MGAT4C: variants seen among roughly 807,000 people sequenced by gnomAD.
MGAT4C encodes the protein MGAT4 family member C, also known as alpha-1,3-mannosyl-glycoprotein 4-beta-N-acetylglucosaminyltransferase C.
A neutral mutation model predicts 40.1 loss-of-function variants in MGAT4C; 19 were observed. The observed-to-expected ratio is 0.47, with a 90% CI of 0.33 to 0.70. The LOEUF (loss-of-function observed/expected upper bound fraction) is 0.70, where lower values mean the gene tolerates loss of function less well. Among genes scored for constraint, MGAT4C ranks in the 30% least tolerant of loss-of-function variants. The probability of loss-of-function intolerance (pLI) is 0.02; values close to 1 mark genes in which losing one functional copy is unlikely to be tolerated. For missense variants in MGAT4C, 491 were observed against 563.2 expected (o/e 0.87, Z 1.30); for synonymous variants, 181 against 187.1 (o/e 0.97, Z 0.27).
chr12:86,121,947 A>T (rs1879445472), intron 1 of MGAT4C, among the ~76,000 whole-genome samples: 1 of 152,228 alleles, frequency 6.6e-6, no homozygotes, highest in Non-Finnish European at 1.5e-5. Flanking sequence ...TGATCATAAC[A>T]GCTCAAAAGA....
chr12:86,485,842 C>T (rs1958010458), intron 2 of MGAT4C, among the ~76,000 whole-genome samples: 2 of 152,070 alleles, frequency 1.3e-5, no homozygotes, highest in Non-Finnish European at 2.9e-5. Context: ...GGTTGGGTTA[C>T]TTACAAAGAG....
At chr12:86,036,871 C>T (rs934561660) in intron 2 of MGAT4C, among the ~76,000 whole-genome samples, 1 of 149,896 alleles carries the variant, frequency 6.7e-6, no homozygotes, top group East Asian at 1.9e-4. Context: ...AGGAATGATA[C>T]CAGCTCCTCT....
chr12:86,717,104 C>A (rs1950655649), intron 2 of MGAT4C, among the ~76,000 whole-genome samples: 2 of 150,994 alleles, frequency 1.3e-5, no homozygotes. Context: ...TTTTTTTGGC[C>A]AAAGGACTTC....
chr12:86,078,362 T>C (rs1870175730), intron 1 of MGAT4C, among the ~76,000 whole-genome samples: 1 of 152,182 alleles, frequency 6.6e-6, no homozygotes, highest in East Asian at 1.9e-4. Context: ...TGCACTTCTT[T>C]AGTGAGTGCC....
chr12:86,740,050 A>G (rs1214179622), intron 1 of MGAT4C, among the ~76,000 whole-genome samples: 1 of 151,048 alleles, frequency 6.6e-6, no homozygotes, highest in Non-Finnish European at 1.5e-5. Flanking sequence ...GCTGATTCAC[A>G]ATCATTATTT....
At chr12:86,031,435 C>T (rs1890745382) in intron 2 of MGAT4C, among the ~76,000 whole-genome samples, 1 of 151,708 alleles carries the variant, frequency 6.6e-6, no homozygotes. Flanking sequence ...TGTTCTTACA[C>T]TTTAATGCAT....
At chr12:86,041,287 T>C (rs1015161792) in intron 2 of MGAT4C, among the ~76,000 whole-genome samples, 1 of 150,614 alleles carries the variant, frequency 6.6e-6, no homozygotes, top group African/African-American at 2.5e-5. Context: ...ATTTTGTTGA[T>C]TTTTTTTTAT....
chr12:86,817,168 C>G (rs1031404988), intron 1 of MGAT4C, among the ~76,000 whole-genome samples: 4 of 150,940 alleles, frequency 2.7e-5, no homozygotes, highest in African/African-American at 2.4e-5. Context: ...AATTTATACA[C>G]TACTTTATTC....
intron 2 of MGAT4C, among the ~76,000 whole-genome samples, chr12:86,505,293 GA>G: frequency 6.6e-6 from 1 of 152,274 alleles, no homozygotes; most frequent in East Asian, 1.9e-4. Context: ...ATAGAATTCA[GA>G]TACTAGTCTT....
In MGAT4C at chr12:86,446,214, C is replaced by G. The variant is rs369543835; in HGVS notation, c.-228-10949G>C. Among the ~76,000 whole-genome samples, 20 of 151,864 alleles carry G rather than the reference C, an allele frequency of 1.3e-4. No individual in the cohort carries two copies. The East Asian group carries it at 3.7e-3, about 28-fold the overall frequency. On this transcript the variant is annotated intron_variant, in intron 2 of 7. Coordinates refer to the MGAT4C transcript ENST00000548651. ...TGAAATATTTTGTGAACAATTATTG[C>G]TAAGACAAGGACCCATTTTTTCCTG...
At chr12:86,438,652 A>G in intron 2 of MGAT4C, among the ~76,000 whole-genome samples, 1 of 151,948 alleles carries the variant, frequency 6.6e-6, no homozygotes, top group East Asian at 1.9e-4. Context: ...CAATTATATA[A>G]ATGCTCCACT....
intron 4 of MGAT4C, among the ~76,000 whole-genome samples, chr12:86,295,003 ATCTT>A (rs1264757323): frequency 6.6e-6 from 1 of 152,152 alleles, no homozygotes; most frequent in African/African-American, 2.4e-5. Flanking sequence ...TTCTCAGTTC[ATCTT>A]TCTGACTTCC....
intron 4 of MGAT4C, among the ~76,000 whole-genome samples, chr12:86,261,548 C>G (rs994673762): frequency 3.9e-5 from 6 of 152,032 alleles, no homozygotes; most frequent in Non-Finnish European, 7.4e-5. Flanking sequence ...AGAAAAGTAA[C>G]TTTTAAGATA....
At chr12:86,805,690 CAT>C (rs2136209549) in intron 1 of MGAT4C, among the ~76,000 whole-genome samples, 1 of 151,956 alleles carries the variant, frequency 6.6e-6, no homozygotes, top group South Asian at 2.1e-4. Flanking sequence ...CATGTCAGTA[CAT>C]ATATGTTTTT....
chr12:86,198,112 T>G (rs1949893741), intron 1 of MGAT4C, among the ~76,000 whole-genome samples: 1 of 152,196 alleles, frequency 6.6e-6, no homozygotes, highest in Non-Finnish European at 1.5e-5. Flanking sequence ...GAACACTGGC[T>G]AATGGAATAA....
At chr12:86,785,701 GGAA>G (rs993959906) in intron 1 of MGAT4C, among the ~76,000 whole-genome samples, 161 of 151,622 alleles carry the variant, frequency 1.1e-3, no homozygotes, top group African/African-American at 3.6e-3. Flanking sequence ...ATCTGTTAAA[GGAA>G]GAAGAATATA....
intron 1 of MGAT4C, among the ~76,000 whole-genome samples, chr12:86,827,501 C>T (rs76023612): frequency 6.6e-6 from 1 of 151,216 alleles, no homozygotes; most frequent in South Asian, 2.1e-4. Context: ...CATGAGTATA[C>T]TTGTAGATTT....
chr12:86,795,323 T>A (rs118022969), intron 1 of MGAT4C, among the ~76,000 whole-genome samples: 103 of 152,058 alleles, frequency 6.8e-4, no homozygotes, highest in Non-Finnish European at 1.2e-3. Context: ...TTAGTTCAAC[T>A]GCTGTAGTTA....
chr12:86,456,885 C>T (rs1957519167), intron 2 of MGAT4C, among the ~76,000 whole-genome samples: 1 of 152,102 alleles, frequency 6.6e-6, no homozygotes, highest in Non-Finnish European at 1.5e-5. Flanking sequence ...AACTTCACCA[C>T]TACCTGGTAG....
Sources: allele counts gnomAD v4.1 joint callset (sites outside exome capture counted in the v4.1 genomes callset), GRCh38; gene constraint gnomAD v4.1.1; transcripts MANE v1.5; gene names NCBI Gene and HGNC (gene_info 2026-07-23, HGNC 2026-07-21).